The following FMN1 variants were observed in gnomAD, a reference collection of about 807,000 sequenced individuals.
The protein encoded by FMN1 is formin 1.
FMN1 carries 110 observed loss-of-function variants against 132.4 expected under a neutral mutation model. That is an observed-to-expected ratio of 0.83 (90% CI 0.71 to 0.97). FMN1 has a LOEUF of 0.97. Among genes scored for constraint, FMN1 ranks in the 50% least tolerant of loss-of-function variants. The pLI is 0.00. For synonymous variants in FMN1, 722 were observed against 651.7 expected (o/e 1.11, Z -1.64); for missense variants, 1,792 against 1,705.3 (o/e 1.05, Z -0.90).
intron 4 of FMN1, among the ~76,000 whole-genome samples, chr15:33,122,497 T>C (rs1381477578): frequency 6.6e-6 from 1 of 152,214 alleles, no homozygotes; most frequent in Non-Finnish European, 1.5e-5. Flanking sequence ...CCACAGTACA[T>C]TTCATGTATA....
intron 2 of FMN1, among the ~76,000 whole-genome samples, chr15:33,184,491 C>CTT (rs1002704264): frequency 2.8e-5 from 4 of 140,604 alleles, no homozygotes; most frequent in Non-Finnish European, 4.6e-5. Flanking sequence ...TAATTTAGAT[C>CTT]TTTTTTTTTT....
intron 6 of FMN1, among the ~76,000 whole-genome samples, chr15:33,008,451 C>T (rs78861477): frequency 0.07 from 10,596 of 151,874 alleles, 403 homozygotes; most frequent in South Asian, 0.096. Context: ...AGGAAACAAA[C>T]GAAAACTTTC....
At chr15:33,042,425 A>T (rs1287975360) in intron 6 of FMN1, among the ~76,000 whole-genome samples, 1 of 152,216 alleles carries the variant, frequency 6.6e-6, no homozygotes, top group African/African-American at 2.4e-5. Context: ...GTGCCTAAGC[A>T]TCCAAACAAA....
At chr15:32,836,608 T>C (rs1481597304) in intron 17 of FMN1, among the ~76,000 whole-genome samples, 1 of 152,152 alleles carries the variant, frequency 6.6e-6, no homozygotes, top group Admixed American at 6.6e-5. Flanking sequence ...GTAAAATGAA[T>C]GTAAATGAAT....
rs1491184174 is a variant in FMN1 at position 32,783,784 on chromosome 15, A to AAAAAAAAAAAAG, written c.4131-6866_4131-6865insCTTTTTTTTTTT. 6.6e-5 allele frequency among the ~76,000 whole-genome samples: 7 copies of AAAAAAAAAAAAG among 105,820 alleles called. 3 individuals carry two copies. In the East Asian group the frequency reaches 1.4e-3, roughly 22 times the overall value. 69.4% of individuals were successfully genotyped at this position (105,820 alleles called of 152,430 possible). A position where few individuals can be genotyped will look rare whatever the true frequency, so the allele number is the denominator to read the frequency against. Reference sequence around the variant, plus strand: ...AAAAAAAAAAAAAAAAAAAAAAAAAATAGTTGAAGTGGCGTGGCTTTCCAT... The same window carrying AAAAAAAAAAAAG: ...AAAAAAAAAAAAAAAAAAAAAAAAAAAAAAAAAAAAAGTAGTTGAAGTGGCGTGGCTTTCCAT... On this transcript the variant is annotated intron_variant, in intron 19 of 20. Coordinates refer to ENST00000616417, the MANE Select transcript of FMN1 (RefSeq NM_001277313.2).
intron 6 of FMN1, among the ~76,000 whole-genome samples, chr15:33,038,454 T>A (rs2036282730): frequency 6.6e-6 from 1 of 152,202 alleles, no homozygotes; most frequent in Non-Finnish European, 1.5e-5. Context: ...AACACAGTTT[T>A]ATGCTTGAAT....
At chr15:32,929,318 T>C (rs1596295335) in intron 9 of FMN1, among the ~76,000 whole-genome samples, 1 of 152,356 alleles carries the variant, frequency 6.6e-6, no homozygotes, top group East Asian at 1.9e-4. Flanking sequence ...CAAAACCAAC[T>C]ACAATGGTAG....
At chr15:33,019,467 A>T (rs2035291571) in intron 6 of FMN1, among the ~76,000 whole-genome samples, 1 of 152,224 alleles carries the variant, frequency 6.6e-6, no homozygotes, top group African/African-American at 2.4e-5. Flanking sequence ...GCTGCCTGCC[A>T]GTCCCACGCC....
chr15:33,175,037 T>TC (rs1965466625), intron 3 of FMN1, among the ~76,000 whole-genome samples: 1 of 144,544 alleles, frequency 6.9e-6, no homozygotes, highest in African/African-American at 2.4e-5. Context: ...AAACGATTTT[T>TC]TTTTTTTTAG....
chr15:33,049,282 C>A (rs997227142), intron 6 of FMN1, among the ~76,000 whole-genome samples: 2 of 152,140 alleles, frequency 1.3e-5, no homozygotes, highest in East Asian at 3.9e-4. Flanking sequence ...TAGGCCCCAA[C>A]AGACAAAACC....
intron 13 of FMN1, among the ~76,000 whole-genome samples, chr15:32,900,530 T>C (rs968461460): frequency 6.6e-6 from 1 of 152,218 alleles, no homozygotes; most frequent in Non-Finnish European, 1.5e-5. Context: ...TTCAGGACTA[T>C]TTATCTAGAT....
chr15:32,878,472 A>T (rs2059689270), intron 16 of FMN1, among the ~76,000 whole-genome samples: 1 of 152,200 alleles, frequency 6.6e-6, no homozygotes, highest in African/African-American at 2.4e-5. Context: ...GGATTACAAA[A>T]GCAGTAGGTG....
chr15:32,929,777 T>G (rs553037637), intron 9 of FMN1, among the ~76,000 whole-genome samples: 24 of 151,964 alleles, frequency 1.6e-4, no homozygotes, highest in African/African-American at 4.6e-4. Context: ...TTTTTTTTTT[T>G]TGTGGTCAAG....
intron 7 of FMN1, among the ~76,000 whole-genome samples, chr15:32,972,143 T>C: frequency 6.6e-6 from 1 of 152,184 alleles, no homozygotes; most frequent in East Asian, 1.9e-4. Context: ...TGCAGCATAG[T>C]AAGTGCTATT....
At chr15:32,915,966 C>A (rs1054791849) in intron 10 of FMN1, among the ~76,000 whole-genome samples, 4 of 152,192 alleles carry the variant, frequency 2.6e-5, no homozygotes, top group African/African-American at 7.2e-5. Context: ...AGTCTGGTTT[C>A]TGGGCTTCTT....
chr15:33,149,266 T>C (rs143443416), intron 4 of FMN1, among the ~76,000 whole-genome samples: 1,838 of 152,212 alleles, frequency 0.012, 20 homozygotes, highest in Non-Finnish European at 0.016. Flanking sequence ...AACATATATA[T>C]TTATATATTG....
intron 2 of FMN1, among the ~76,000 whole-genome samples, chr15:33,185,869 G>C (rs1965867964): frequency 6.6e-6 from 1 of 152,108 alleles, no homozygotes; most frequent in Admixed American, 6.5e-5. Context: ...CCTGTGCCTA[G>C]TCAGGAAGAA....
At chr15:33,091,125 T>C (rs916105791) in intron 4 of FMN1, among the ~76,000 whole-genome samples, 1 of 152,280 alleles carries the variant, frequency 6.6e-6, no homozygotes. Flanking sequence ...ACATAACATA[T>C]ATAATATGTA....
At chr15:32,933,975 T>G (rs1409515337) in intron 9 of FMN1, among the ~76,000 whole-genome samples, 2 of 152,200 alleles carry the variant, frequency 1.3e-5, no homozygotes, top group East Asian at 1.9e-4. Context: ...CTATTTGCAT[T>G]TAAAGTAATT....
Sources: gnomAD v4.1 joint callset for allele counts (sites outside exome capture counted in the v4.1 genomes callset) on GRCh38, gnomAD v4.1.1 for gene constraint, MANE v1.5 for transcripts, NCBI Gene and HGNC (gene_info 2026-07-23, HGNC 2026-07-21) for gene names.